The following DAB1 variants were observed in gnomAD, a reference collection of about 807,000 sequenced individuals.
The protein encoded by DAB1 is DAB adaptor protein 1.
Under a neutral mutation model 64.6 loss-of-function variants are expected in DAB1, and 15 were observed. The ratio of observed to expected loss-of-function variants is 0.23; its 90% CI spans 0.16 to 0.36. The LOEUF (loss-of-function observed/expected upper bound fraction) is 0.36. Among genes scored for constraint, DAB1 ranks in the 10% least tolerant of loss-of-function variants. The pLI, the probability that DAB1 is intolerant of heterozygous loss-of-function variation, is 1.00. For synonymous variants in DAB1, 235 were observed against 251.9 expected (o/e 0.93, Z 0.64); for missense variants, 596 against 706.7 (o/e 0.84, Z 1.78).
intron 4 of DAB1, among the ~76,000 whole-genome samples, chr1:58,275,902 G>T (rs888615426): frequency 6.6e-6 from 1 of 152,180 alleles, no homozygotes; most frequent in African/African-American, 2.4e-5. Flanking sequence ...ATGCACAATA[G>T]CTCAAAGGTG....
At chr1:57,907,872 T>C (rs969005135) in intron 5 of DAB1, among the ~76,000 whole-genome samples, 2 of 150,520 alleles carry the variant, frequency 1.3e-5, no homozygotes, top group African/African-American at 4.9e-5. Context: ...TGTATATATA[T>C]ATATACACAT....
intron 14 of DAB1, among the ~76,000 whole-genome samples, chr1:57,001,772 C>T (rs758532939): frequency 6.6e-6 from 1 of 152,176 alleles, no homozygotes; most frequent in Non-Finnish European, 1.5e-5. Context: ...TTCCTTCTGG[C>T]TTCGGAGGCT....
chr1:58,097,824 T>C (rs998910332), intron 5 of DAB1, among the ~76,000 whole-genome samples: 5 of 152,088 alleles, frequency 3.3e-5, no homozygotes, highest in African/African-American at 7.2e-5. Flanking sequence ...GTTTTGCTGA[T>C]TGGCACACAG....
intron 5 of DAB1, among the ~76,000 whole-genome samples, chr1:58,113,018 G>A (rs1327246341): frequency 6.6e-6 from 1 of 152,206 alleles, no homozygotes; most frequent in Non-Finnish European, 1.5e-5. Flanking sequence ...GGGCATAGAA[G>A]ATGAGTAAGA....
chr1:57,952,314 A>G (rs1008663425), intron 5 of DAB1, among the ~76,000 whole-genome samples: 5 of 152,154 alleles, frequency 3.3e-5, no homozygotes, highest in Non-Finnish European at 7.4e-5. Context: ...GGGGATGATG[A>G]AGCAATAGAA....
At chr1:58,319,233 A>C (rs934473643) in intron 4 of DAB1, among the ~76,000 whole-genome samples, 2 of 152,100 alleles carry the variant, frequency 1.3e-5, no homozygotes, top group African/African-American at 4.8e-5. Flanking sequence ...AAAATTTGCA[A>C]AGGCTCCACA....
chr1:58,162,129 G>A (rs1411549097), intron 4 of DAB1, among the ~76,000 whole-genome samples: 1 of 152,104 alleles, frequency 6.6e-6, no homozygotes, highest in Middle Eastern at 3.2e-3. Flanking sequence ...TATAAAGGAT[G>A]ATTCTTCAAA....
chr1:57,394,822 T>C (rs1223106565), intron 1 of DAB1, among the ~76,000 whole-genome samples: 2 of 152,162 alleles, frequency 1.3e-5, no homozygotes, highest in Non-Finnish European at 1.5e-5. Flanking sequence ...CTGCCCAAAC[T>C]TATTTGACCA....
chr1:57,314,248 C>T (rs1674992158), intron 1 of DAB1, among the ~76,000 whole-genome samples: 1 of 152,176 alleles, frequency 6.6e-6, no homozygotes, highest in Admixed American at 6.5e-5. Flanking sequence ...TAAAAGGAAA[C>T]ATTTTCCCAC....
At chr1:57,860,925 G>C (rs1403454590) in intron 1 of DAB1, 1 of 152,318 alleles carries the variant, frequency 6.6e-6, no homozygotes, top group East Asian at 1.9e-4. Context: ...GCCAGGTGGA[G>C]AGTGAGTTGG....
At chr1:58,445,971 G>A (rs975686094) in intron 3 of DAB1, among the ~76,000 whole-genome samples, 1 of 152,054 alleles carries the variant, frequency 6.6e-6, no homozygotes, top group Non-Finnish European at 1.5e-5. Context: ...GTCTATTAGG[G>A]TAAGCAACCA....
chr1:57,590,031 T>A, intron 7 of DAB1, among the ~76,000 whole-genome samples: 1 of 152,112 alleles, frequency 6.6e-6, no homozygotes, highest in East Asian at 1.9e-4. Flanking sequence ...GCTAGAGATA[T>A]CATAAAAAAT....
At chr1:58,176,143 C>T (rs1006513021) in intron 4 of DAB1, among the ~76,000 whole-genome samples, 1 of 152,176 alleles carries the variant, frequency 6.6e-6, no homozygotes, top group Non-Finnish European at 1.5e-5. Context: ...ACCCTGTAGG[C>T]ATTCGAGGGA....
At chr1:58,508,328 T>G (rs1417860916) in intron 2 of DAB1, among the ~76,000 whole-genome samples, 1 of 152,040 alleles carries the variant, frequency 6.6e-6, no homozygotes, top group African/African-American at 2.4e-5. Context: ...AAGTAACAGG[T>G]TGACATCAGC....
intron 7 of DAB1, among the ~76,000 whole-genome samples, chr1:57,575,857 A>G (rs1645243456): frequency 6.6e-6 from 1 of 152,178 alleles, no homozygotes; most frequent in African/African-American, 2.4e-5. Context: ...GCTCTCATGA[A>G]GTTGATATAC....
chr1:57,582,080 G>A (rs1186600055), intron 7 of DAB1, among the ~76,000 whole-genome samples: 1 of 152,046 alleles, frequency 6.6e-6, no homozygotes, highest in Non-Finnish European at 1.5e-5. Context: ...CTCTTAAAAG[G>A]GCACTAATCT....
At chr1:58,536,399 A>G (rs556512357) in intron 1 of DAB1, 1 of 635,840 alleles carries the variant, frequency 1.6e-6, no homozygotes, top group East Asian at 2.7e-5. Context: ...AAAAAATGCT[A>G]ATTTCATATC....
intron 5 of DAB1, among the ~76,000 whole-genome samples, chr1:58,081,102 C>T (rs1649967484): frequency 6.6e-6 from 1 of 152,154 alleles, no homozygotes; most frequent in South Asian, 2.1e-4. Flanking sequence ...CAAATTAAAT[C>T]AAGCTTAATA....
intron 2 of DAB1, among the ~76,000 whole-genome samples, chr1:57,201,120 C>T (rs536449266): frequency 6.6e-6 from 1 of 152,322 alleles, no homozygotes; most frequent in East Asian, 1.9e-4. Context: ...TCTGTGTCTT[C>T]AGGAGCCATT....
Sources: gnomAD v4.1 joint callset for allele counts (sites outside exome capture counted in the v4.1 genomes callset) on GRCh38, gnomAD v4.1.1 for gene constraint, MANE v1.5 for transcripts, NCBI Gene and HGNC (gene_info 2026-07-23, HGNC 2026-07-21) for gene names.